The following FRMD4A variants were observed in gnomAD, a reference collection of about 807,000 sequenced individuals.
The protein encoded by FRMD4A is FERM domain containing 4A, also known as FERM domain-containing protein 4A.
FRMD4A carries 29 observed loss-of-function variants against 129.1 expected under a neutral mutation model. That is an observed-to-expected ratio of 0.22 (90% CI 0.17 to 0.31). FRMD4A has a LOEUF of 0.31. Ranked by LOEUF, FRMD4A falls within the 10% of genes least tolerant of loss-of-function variation. The pLI, the probability that FRMD4A is intolerant of heterozygous loss-of-function variation, is 1.00. For synonymous variants in FRMD4A, 634 were observed against 571.6 expected (o/e 1.11, Z -1.56); for missense variants, 1,272 against 1,375.8 (o/e 0.92, Z 1.19).
intron 2 of FRMD4A, among the ~76,000 whole-genome samples, chr10:14,137,746 C>G (rs1839617273): frequency 6.6e-6 from 1 of 152,204 alleles, no homozygotes; most frequent in African/African-American, 2.4e-5. Flanking sequence ...TTTTTCCCAC[C>G]TGTTAATATG....
chr10:14,253,823 G>C (rs532997827), intron 2 of FRMD4A, among the ~76,000 whole-genome samples: 9 of 152,290 alleles, frequency 5.9e-5, no homozygotes, highest in Admixed American at 5.2e-4. Context: ...GAGTGGGGAA[G>C]CTCGCTGAGA....
chr10:13,699,222 T>C (rs12775024), intron 14 of FRMD4A, among the ~76,000 whole-genome samples: 70 of 122,602 alleles, frequency 5.7e-4, no homozygotes, highest in African/African-American at 1.8e-3. Flanking sequence ...TGCTTGGTTA[T>C]TGTTTTTTTT....
At chr10:14,158,444 C>T (rs1840708419) in intron 2 of FRMD4A, among the ~76,000 whole-genome samples, 1 of 151,946 alleles carries the variant, frequency 6.6e-6, no homozygotes, top group Non-Finnish European at 1.5e-5. Flanking sequence ...GACCCCACCT[C>T]TACAAAAAAT....
intron 2 of FRMD4A, among the ~76,000 whole-genome samples, chr10:14,043,352 T>C (rs1833859909): frequency 6.6e-6 from 1 of 152,162 alleles, no homozygotes; most frequent in African/African-American, 2.4e-5. Flanking sequence ...TCAAAGGAAA[T>C]GTCTGAGAAT....
intron 2 of FRMD4A, among the ~76,000 whole-genome samples, chr10:13,964,808 C>T (rs1446120896): frequency 6.6e-6 from 1 of 152,126 alleles, no homozygotes; most frequent in East Asian, 1.9e-4. Context: ...CCTGCCTCAG[C>T]CTCCTGGGTA....
At chr10:13,828,283 AC>A (rs1453054792) in intron 3 of FRMD4A, among the ~76,000 whole-genome samples, 3 of 152,078 alleles carry the variant, frequency 2.0e-5, no homozygotes, top group African/African-American at 7.2e-5. Context: ...CATCCGTTGT[AC>A]CCATTAGGTC....
At chr10:13,889,385 T>C (rs2094667552) in intron 2 of FRMD4A, among the ~76,000 whole-genome samples, 1 of 152,226 alleles carries the variant, frequency 6.6e-6, no homozygotes, top group Non-Finnish European at 1.5e-5. Flanking sequence ...GTCTTTCCCT[T>C]TGACCTCAGG....
Position 13,953,625 on chromosome 10 carries a change from G to A in FRMD4A, c.46-94713C>T, listed in dbSNP as rs147122199. 4.9e-3 allele frequency among the ~76,000 whole-genome samples: 746 copies of A among 152,190 alleles called. 21 individuals are homozygous for A. Among genetic ancestry groups the A allele is most frequent in the Admixed American group, 0.042 (646 of 15,286 alleles). ...TTGGTTCCCAGATCGACTGTCTTGAGGTCATAGTACTTATATTCAAGTCAC... is the reference window on the plus strand; with the variant it reads ...TTGGTTCCCAGATCGACTGTCTTGAAGTCATAGTACTTATATTCAAGTCAC... On this transcript the variant is annotated intron_variant, in intron 2 of 24. Transcript: ENST00000357447.
At chr10:13,983,481 C>CA (rs920428456) in intron 2 of FRMD4A, among the ~76,000 whole-genome samples, 2 of 151,676 alleles carry the variant, frequency 1.3e-5, no homozygotes, top group African/African-American at 4.8e-5. Flanking sequence ...TTCGAGTCAT[C>CA]AAAAAAACCC....
chr10:14,238,228 A>G (rs1001239629), intron 2 of FRMD4A, among the ~76,000 whole-genome samples: 4 of 152,238 alleles, frequency 2.6e-5, no homozygotes, highest in African/African-American at 9.6e-5. Flanking sequence ...ATAATTCTGC[A>G]AGGTGGATAG....
At chr10:13,749,072 C>T (rs988487388) in intron 8 of FRMD4A, among the ~76,000 whole-genome samples, 7 of 152,178 alleles carry the variant, frequency 4.6e-5, no homozygotes, top group African/African-American at 7.2e-5. Flanking sequence ...CCATCTGTGG[C>T]GTCTGCACCC....
At chr10:13,699,912 G>T (rs1481938564) in intron 14 of FRMD4A, among the ~76,000 whole-genome samples, 2 of 152,116 alleles carry the variant, frequency 1.3e-5, no homozygotes, top group African/African-American at 4.8e-5. Flanking sequence ...GAGCTGCGGA[G>T]AATACTGTCA....
At chr10:13,796,650 G>A (rs1361989399) in intron 4 of FRMD4A, 62 bp from the exon 5 acceptor site, 2 of 838,254 alleles carry the variant, frequency 2.4e-6, no homozygotes, top group Non-Finnish European at 4.2e-6. Context: ...TTTTGGGGTT[G>A]AAGGTATATA....
At chr10:14,061,022 G>GA (rs11371291) in intron 2 of FRMD4A, among the ~76,000 whole-genome samples, 59,701 of 149,822 alleles carry the variant, frequency 0.4, 14,227 homozygotes, top group Non-Finnish European at 0.55. Flanking sequence ...AACCAATAAG[G>GA]AAAAAAAAAT....
intron 2 of FRMD4A, among the ~76,000 whole-genome samples, chr10:14,153,401 A>G (rs900220890): frequency 6.6e-6 from 1 of 152,202 alleles, no homozygotes; most frequent in Non-Finnish European, 1.5e-5. Flanking sequence ...TTCTGTACTC[A>G]CAGCAGACAT....
intron 2 of FRMD4A, among the ~76,000 whole-genome samples, chr10:13,958,736 C>A (rs2095427103): frequency 6.6e-6 from 1 of 152,134 alleles, no homozygotes; most frequent in East Asian, 1.9e-4. Context: ...CAGGCATGCA[C>A]CCCCACGCCT....
chr10:14,172,038 C>T (rs2131886690), intron 2 of FRMD4A, among the ~76,000 whole-genome samples: 1 of 152,300 alleles, frequency 6.6e-6, no homozygotes, highest in South Asian at 2.1e-4. Flanking sequence ...CCAAGCCTTG[C>T]CAATGGGATT....
At chr10:14,304,903 CT>C (rs1378014091) in intron 2 of FRMD4A, among the ~76,000 whole-genome samples, 1 of 152,236 alleles carries the variant, frequency 6.6e-6, no homozygotes, top group East Asian at 1.9e-4. Flanking sequence ...GTGTTCTAGG[CT>C]GTTTCCCACA....
chr10:14,188,900 T>C (rs1842230842), intron 2 of FRMD4A, among the ~76,000 whole-genome samples: 2 of 152,132 alleles, frequency 1.3e-5, no homozygotes, highest in African/African-American at 4.8e-5. Flanking sequence ...AGCGAGGTTT[T>C]GTCTCAAAAA....
Sources: allele counts gnomAD v4.1 joint callset (sites outside exome capture counted in the v4.1 genomes callset), GRCh38; gene constraint gnomAD v4.1.1; transcripts MANE v1.5; gene names NCBI Gene and HGNC (gene_info 2026-07-23, HGNC 2026-07-21).